Variants in SEMA3C observed in about 807,000 individuals in gnomAD.
SEMA3C encodes the protein semaphorin-3C.
A neutral mutation model predicts 89.4 loss-of-function variants in SEMA3C; 47 were observed. The observed-to-expected ratio is 0.53, with a 90% CI of 0.42 to 0.67. SEMA3C has a LOEUF of 0.67. Among genes scored for constraint, SEMA3C ranks in the 30% least tolerant of loss-of-function variants. The probability of loss-of-function intolerance (pLI) is 0.00; values close to 1 mark genes in which losing one functional copy is unlikely to be tolerated. For missense variants in SEMA3C, 839 were observed against 929.1 expected (o/e 0.90, Z 1.26); for synonymous variants, 310 against 320.2 (o/e 0.97, Z 0.34).
chr7:80,818,347 G>C lies in SEMA3C; in HGVS notation c.399C>G (p.Gly133=). 2 of 1,613,328 alleles carry C rather than the reference G, an allele frequency of 1.2e-6. No individual in the cohort carries two copies. Among genetic ancestry groups the C allele is most frequent in the Non-Finnish European group, 1.7e-6 (2 of 1,179,438 alleles). Residue 133 remains glycine, a synonymous_variant, in exon 5 of 18, where the codon GGC becomes GGG. Transcript: ENST00000265361. ...NRTHLYVCGS[G]AFSPVCTYLN... The stretch of plus-strand genomic sequence containing the variant: ...AGTAAGTACAGACAGGACTGAAAGC[G>C]CCACTCCCACAGACATACAAATGTG...
rs1003315712 is a variant in SEMA3C, at chr7:80,827,446, T to G, written c.306A>C (p.Lys102Asn). The G allele has an allele frequency of 1.9e-6, 3 of 1,597,986 alleles. No individual in the cohort carries two copies. The African/African-American group carries it at 4.1e-5, about 22-fold the overall frequency. The change falls in exon 4 of 18, where the codon AAA becomes AAC. Residue 102 changes from lysine to asparagine, a missense_variant. Transcript: ENST00000265361. ...PASTIKVEECKMAGKDPTHGC... is the reference protein window; with the variant it reads ...PASTIKVEECNMAGKDPTHGC... ...TTACTGTGGGATCTTTGCCAGCCATTTTGCATTCTTCAACTTTGATTGTAG... is the reference window on the plus strand; with the variant it reads ...TTACTGTGGGATCTTTGCCAGCCATGTTGCATTCTTCAACTTTGATTGTAG...
At chr7:80,849,499 C>T (rs916040827) in intron 2 of SEMA3C, among the ~76,000 whole-genome samples, 5 of 152,040 alleles carry the variant, frequency 3.3e-5, no homozygotes, top group Non-Finnish European at 5.9e-5. Flanking sequence ...AATACATGTT[C>T]TTAAAGACGG....
intron 4 of SEMA3C, among the ~76,000 whole-genome samples, chr7:80,819,997 C>T (rs1407955380): frequency 2.0e-5 from 3 of 149,654 alleles, no homozygotes; most frequent in Non-Finnish European, 4.5e-5. Context: ...GTAATTTTTC[C>T]CTGGGTGGTC....
At chr7:80,911,616 CTTT>C (rs774658177) in intron 2 of SEMA3C, among the ~76,000 whole-genome samples, 1 of 140,950 alleles carries the variant, frequency 7.1e-6, no homozygotes. Context: ...AGAATAGGAC[CTTT>C]TTTTTTTTTT....
intron 2 of SEMA3C, among the ~76,000 whole-genome samples, chr7:80,885,853 C>T (rs573282283): frequency 5.9e-5 from 9 of 152,346 alleles, no homozygotes; most frequent in African/African-American, 2.2e-4. Flanking sequence ...TTTGCAACCT[C>T]TGCTGCTCCA....
intron 2 of SEMA3C, among the ~76,000 whole-genome samples, chr7:80,829,681 A>T (rs1789965467): frequency 6.6e-6 from 1 of 152,154 alleles, no homozygotes; most frequent in South Asian, 2.1e-4. Context: ...TTAGTGACTC[A>T]CACTCATTTA....
chr7:80,778,560 T>C (rs1203129668), intron 12 of SEMA3C, among the ~76,000 whole-genome samples: 1 of 152,236 alleles, frequency 6.6e-6, no homozygotes, highest in Admixed American at 6.5e-5. Context: ...TGGCCTTGAA[T>C]ATCTATCTAC....
At chr7:80,782,122 T>C (rs543243996) in intron 12 of SEMA3C, among the ~76,000 whole-genome samples, 114 of 152,300 alleles carry the variant, frequency 7.5e-4, no homozygotes, top group African/African-American at 2.6e-3. Flanking sequence ...AAAATGAAGG[T>C]AAAGTTCTAC....
intron 12 of SEMA3C, among the ~76,000 whole-genome samples, chr7:80,766,723 G>A (rs1788313414): frequency 6.6e-6 from 1 of 152,156 alleles, no homozygotes; most frequent in Non-Finnish European, 1.5e-5. Flanking sequence ...CCCAGTAGAT[G>A]GAAACACCTG....
At chr7:80,903,253 A>G (rs1031575210) in intron 2 of SEMA3C, among the ~76,000 whole-genome samples, 1 of 152,214 alleles carries the variant, frequency 6.6e-6, no homozygotes, top group Non-Finnish European at 1.5e-5. Context: ...GCTCCTCAGT[A>G]CAAACCTGTA....
Position 80,744,815 on chromosome 7 carries a change from A to T in SEMA3C, c.*79T>A, listed in dbSNP as rs1787760677. The T allele has an allele frequency of 3.3e-6, 5 of 1,512,310 alleles. No individual in the cohort carries two copies. Among genetic ancestry groups the T allele is most frequent in the Non-Finnish European group, 4.6e-6 (5 of 1,096,208 alleles). 93.7% of individuals were successfully genotyped at this position (1,512,310 alleles called of 1,614,324 possible). ...TTTCAGTAATTCCCCTTGGTAAAGC[A>T]CAAGTTTCTTTGCTCAAAATTTGAT... On this transcript the variant is annotated 3_prime_UTR_variant, in exon 18 of 18. Transcript: ENST00000265361.
At chr7:80,829,778 A>T (rs1042757380) in intron 2 of SEMA3C, among the ~76,000 whole-genome samples, 2 of 152,166 alleles carry the variant, frequency 1.3e-5, no homozygotes, top group African/African-American at 2.4e-5. Flanking sequence ...TTCTCTGGTC[A>T]AAATGCTCCT....
chr7:80,776,283 A>AC (rs1788547963), intron 12 of SEMA3C, among the ~76,000 whole-genome samples: 1 of 151,960 alleles, frequency 6.6e-6, no homozygotes, highest in Non-Finnish European at 1.5e-5. Context: ...ACAAAAAAAA[A>AC]AAAAAGAAAG....
At chr7:80,913,947 C>T (rs913685153) in intron 2 of SEMA3C, among the ~76,000 whole-genome samples, 1 of 152,190 alleles carries the variant, frequency 6.6e-6, no homozygotes, top group Non-Finnish European at 1.5e-5. Flanking sequence ...TAACACAAGA[C>T]TGAGTGGTTT....
rs779446550 is a variant in SEMA3C at position 80,805,619 on chromosome 7, T to A, written c.658+20A>T. On this transcript the variant is annotated intron_variant, in intron 7 of 17. Coordinates refer to ENST00000265361, the MANE Select transcript of SEMA3C (RefSeq NM_006379.5). ...GTTTAACACGATACTAAAAAATAAA[T>A]GCATCAAATGCTTTCTTACCACTTA... is the stretch of plus-strand genomic sequence containing the variant. 191 of 1,581,348 alleles carry A rather than the reference T, an allele frequency of 1.2e-4. No homozygotes were observed. The highest frequency in any genetic ancestry group is 1.6e-4 in the Non-Finnish European group (185 of 1,164,660).
chr7:80,777,446 C>A (rs994535237), intron 12 of SEMA3C, among the ~76,000 whole-genome samples: 2 of 152,118 alleles, frequency 1.3e-5, no homozygotes, highest in Non-Finnish European at 2.9e-5. Flanking sequence ...TGCGTGCCAC[C>A]ACGCCTGGCT....
At chr7:80,752,584 C>CAGCCTGGG (rs1305984020) in intron 15 of SEMA3C, among the ~76,000 whole-genome samples, 1 of 139,188 alleles carries the variant, frequency 7.2e-6, no homozygotes, top group Non-Finnish European at 1.5e-5. Flanking sequence ...CACTGCACTC[C>CAGCCTGGG]AGCCTGGGTC....
chr7:80,769,861 C>CT (rs1463164370), intron 12 of SEMA3C, among the ~76,000 whole-genome samples: 2 of 116,844 alleles, frequency 1.7e-5, no homozygotes, highest in Non-Finnish European at 3.4e-5. Context: ...TCTGTCCCCC[C>CT]CCCAAAAAAA....
rs397970593 is a variant in SEMA3C at position 80,856,536 on chromosome 7, G to GAAAA, written c.104-27795_104-27792dup. Among the ~76,000 whole-genome samples the GAAAA allele has an allele frequency of 2.0e-3, 99 of 48,886 alleles. No individual in the cohort carries two copies. The East Asian group carries it at 0.036, about 18-fold the overall frequency. The allele number at this position is 48,886 out of a possible 152,430, so 32.1% of individuals were successfully genotyped here. A position where few individuals can be genotyped will look rare whatever the true frequency, so the allele number is the denominator to read the frequency against. ...TGTACACAATTCTGCATTGGTTAAGGAAAAAAAAAAAAAAAAAAAAACTAG... is the reference window on the plus strand; with the variant it reads ...TGTACACAATTCTGCATTGGTTAAGGAAAAAAAAAAAAAAAAAAAAAAAAACTAG... On this transcript the variant is annotated intron_variant, in intron 2 of 17. Transcript: ENST00000265361.
Sources: gnomAD v4.1 joint callset for allele counts (sites outside exome capture counted in the v4.1 genomes callset) on GRCh38, gnomAD v4.1.1 for gene constraint, MANE v1.5 for transcripts, NCBI Gene and HGNC (gene_info 2026-07-23, HGNC 2026-07-21) for gene names.